The following MRPL35 variants were observed in gnomAD, a reference collection of about 807,000 sequenced individuals.
MRPL35 encodes mitochondrial ribosomal protein L35.
A neutral mutation model predicts 21.6 loss-of-function variants in MRPL35; 18 were observed. The ratio of observed to expected loss-of-function variants is 0.83; its 90% confidence interval spans 0.58 to 1.24. The LOEUF is 1.24. MRPL35 is among the 50% of genes most tolerant of loss of function. MRPL35 has a pLI of 0.00. For synonymous variants in MRPL35, 87 were observed against 86.9 expected (o/e 1.00, Z -0.01); for missense variants, 223 against 223.2 (o/e 1.00, Z 0.01).
At position 86,204,399 on chromosome 2, in the gene MRPL35, C is replaced by T. The variant is rs527951070; in HGVS notation, c.44-1707C>T. On this transcript the variant is annotated intron_variant, in intron 1 of 3. Coordinates refer to ENST00000337109, the MANE Select transcript of MRPL35 (RefSeq NM_016622.4). ...AATTTAGCAAGCTGTACAACCATTA[C>T]CACATTCCAGCTTTAGGACTTTTTT... Among the ~76,000 whole-genome samples, 7 of 150,574 alleles carry T rather than the reference C, an allele frequency of 4.6e-5. No individual in the cohort carries two copies. In the South Asian group the frequency reaches 8.4e-4, roughly 18 times the overall value.
chr2:86,206,243 A>G lies in MRPL35; in HGVS notation c.181A>G (p.Thr61Ala). 6.2e-7 allele frequency: 1 copy of G among 1,613,648 alleles called. No homozygotes were observed. Among genetic ancestry groups the G allele is most frequent in the South Asian group, 1.1e-5 (1 of 91,066 alleles). The change falls in exon 2 of 4, where the codon ACC becomes GCC. Residue 61 changes from threonine (T) to alanine (A), a missense_variant. Thr to Ala is a moderately conservative substitution (Grantham distance 58). Coordinates refer to ENST00000337109, the MANE Select transcript of MRPL35 (RefSeq NM_016622.4). ...AGTTGTTTCCTCCACTCCCAGACTT[A>G]CCACATCTGAGAGAAACCTGACATG... The part of the protein sequence containing the change: ...TPVVSSTPRL[T>A]TSERNLTCGH...
chr2:86,211,973 G>T lies in MRPL35; in HGVS notation c.*1305G>T, dbSNP rs1673909361. ...GCATTGTTTACTTGAAGTGGGCAGG[G>T]AAGCAGCACTGAGTAAAGTTCAATT... On this transcript the variant is annotated 3_prime_UTR_variant, in exon 4 of 4. Coordinates refer to ENST00000337109, the MANE Select transcript of MRPL35 (RefSeq NM_016622.4). 2.1e-5 allele frequency: 21 copies of T among 987,284 alleles called. No homozygotes were observed. Among genetic ancestry groups the T allele is most frequent in the Non-Finnish European group, 2.5e-5 (21 of 831,398 alleles). 61.2% of individuals were successfully genotyped at this position (987,284 alleles called of 1,614,324 possible).
rs1226767860 is a variant in MRPL35 at position 86,212,511 on chromosome 2, T to C, written c.*1843T>C. The C allele has an allele frequency of 6.2e-7, 1 of 1,605,120 alleles. No homozygotes were observed. The highest frequency in any genetic ancestry group is 8.5e-7 in the Non-Finnish European group (1 of 1,176,512). ...TCTGATGTACCTCTGGGTAGTGAGATGGAAATGGTGCCTGCAGAAGTTGGG... is the reference window on the plus strand; with the variant it reads ...TCTGATGTACCTCTGGGTAGTGAGACGGAAATGGTGCCTGCAGAAGTTGGG... On this transcript the variant is annotated 3_prime_UTR_variant, in exon 4 of 4. Coordinates refer to ENST00000337109, the MANE Select transcript of MRPL35 (RefSeq NM_016622.4).
intron 2 of MRPL35, 45 bp downstream of exon 2, chr2:86,206,340 T>C: frequency 6.5e-7 from 1 of 1,536,094 alleles, no homozygotes; most frequent in Non-Finnish European, 8.8e-7. Context: ...TTTTGTTTTT[T>C]GTTTTTTTTT....
At chr2:86,206,779 C>T (rs1673805119) in intron 2 of MRPL35, among the ~76,000 whole-genome samples, 1 of 152,128 alleles carries the variant, frequency 6.6e-6, no homozygotes, top group South Asian at 2.1e-4. Context: ...AGACGCTCAG[C>T]TTATAAGGAT....
intron 1 of MRPL35, among the ~76,000 whole-genome samples, chr2:86,205,068 G>A (rs12714173): frequency 0.41 from 61,987 of 151,632 alleles, 13,791 homozygotes; most frequent in Non-Finnish European, 0.51. Flanking sequence ...GCAAAATTCT[G>A]TCTCTACAAA....
Position 86,213,313 on chromosome 2 carries a change from T to C in MRPL35, c.*2645T>C, listed in dbSNP as rs3087642. 429,102 of 1,168,450 alleles carry C rather than the reference T, an allele frequency of 0.37. 82,650 individuals are homozygous for C. Among genetic ancestry groups the C allele is most frequent in the East Asian group, 0.56 (13,331 of 23,678 alleles). The allele number at this position is 1,168,450 out of a possible 1,614,324, so 72.4% of individuals were successfully genotyped here. ...TTAACCTAGTTAATCCTAGTTCTGT[T>C]GACATTGGACCAGGCTCAGTAAATA... On this transcript the variant is annotated 3_prime_UTR_variant, in exon 4 of 4. Transcript: ENST00000337109.
chr2:86,206,727 C>T (rs751606705), intron 2 of MRPL35, among the ~76,000 whole-genome samples: 6 of 152,176 alleles, frequency 3.9e-5, no homozygotes, highest in Non-Finnish European at 8.8e-5. Context: ...TGTATGTGTG[C>T]TTTCCTGCAT....
At chr2:86,210,417 G>A in intron 3 of MRPL35, 63 bp from the exon 4 acceptor site, 2 of 1,362,362 alleles carry the variant, frequency 1.5e-6, no homozygotes, top group East Asian at 2.6e-5. Flanking sequence ...ACCTTGAGTT[G>A]TGAAGATACC....
At chr2:86,199,571 A>C (rs747504055) in intron 1 of MRPL35, 38 bp downstream of exon 1, 1 of 1,612,730 alleles carries the variant, frequency 6.2e-7, no homozygotes, top group East Asian at 2.2e-5. Context: ...ATGCCTTCAC[A>C]GAAGGGGAAA....
chr2:86,207,412 G>C (rs1417414358), intron 3 of MRPL35, 85 bp downstream of exon 3: 1 of 1,454,282 alleles, frequency 6.9e-7, no homozygotes, highest in Non-Finnish European at 9.2e-7. Flanking sequence ...GCACTTTGGC[G>C]GGTGGATCAT....
chr2:86,210,457 C>T (rs1454269407), intron 3 of MRPL35, 23 bp from the exon 4 acceptor site: 1 of 1,582,474 alleles, frequency 6.3e-7, no homozygotes, highest in Admixed American at 1.8e-5. Context: ...TGATGTTTTA[C>T]ATTTCTTTGT....
rs995620746 is a variant in MRPL35 at position 86,211,513 on chromosome 2, T to G, written c.*845T>G. The G allele has an allele frequency of 4.4e-5, 43 of 985,350 alleles. No homozygotes were observed. The highest frequency in any genetic ancestry group is 5.2e-4 in the Middle Eastern group (1 of 1,936). The allele number at this position is 985,350 out of a possible 1,614,324, so 61.0% of individuals were successfully genotyped here. A position where few individuals can be genotyped will look rare whatever the true frequency, so the allele number is the denominator to read the frequency against. On this transcript the variant is annotated 3_prime_UTR_variant, in exon 4 of 4. Coordinates refer to ENST00000337109, the MANE Select transcript of MRPL35 (RefSeq NM_016622.4). ...ATGGGGTGGCAGCACACTTAACATC[T>G]AACACACCAGGTTCATTGTGTTCAT...
At chr2:86,203,105 A>G (rs1341978512) in intron 1 of MRPL35, among the ~76,000 whole-genome samples, 5 of 131,582 alleles carry the variant, frequency 3.8e-5, no homozygotes, top group Admixed American at 1.6e-4. Flanking sequence ...TTTGAGACGG[A>G]GTCCCGCTCT....
rs1309835226 is a variant in MRPL35, at chr2:86,212,406, C to A, written c.*1738C>A. ...ATGGCATTCTGTTTTGATGGATTTTCATTTCTTCGCACTTCTGAGACGGCA... is the reference window on the plus strand; with the variant it reads ...ATGGCATTCTGTTTTGATGGATTTTAATTTCTTCGCACTTCTGAGACGGCA... On this transcript the variant is annotated 3_prime_UTR_variant, in exon 4 of 4. Coordinates refer to ENST00000337109, the MANE Select transcript of MRPL35 (RefSeq NM_016622.4). 5 of 1,613,700 alleles carry A rather than the reference C, an allele frequency of 3.1e-6. No homozygotes were observed. In the African/African-American group the frequency reaches 6.7e-5, roughly 22 times the overall value.
intron 1 of MRPL35, among the ~76,000 whole-genome samples, chr2:86,203,953 C>T (rs1266036921): frequency 6.6e-6 from 1 of 151,840 alleles, no homozygotes; most frequent in Non-Finnish European, 1.5e-5. Context: ...AGTTCTAAGT[C>T]CCAGCCAAGC....
Position 86,213,720 on chromosome 2 carries a change from A to T in MRPL35, c.*3052A>T. On this transcript the variant is annotated 3_prime_UTR_variant, in exon 4 of 4. Transcript: ENST00000337109. ...ACAATTGAAACTCTACCAGTGGACT[A>T]TTCTATTTTCACAGCTACCTAGTTT... 1 of 1,518,186 alleles carries T rather than the reference A, an allele frequency of 6.6e-7. No individual in the cohort carries two copies. The highest frequency in any genetic ancestry group is 2.5e-5 in the East Asian group (1 of 40,708). The allele number at this position is 1,518,186 out of a possible 1,614,324, so 94.0% of individuals were successfully genotyped here. A position where few individuals can be genotyped will look rare whatever the true frequency, so the allele number is the denominator to read the frequency against.
chr2:86,207,395 A>G, intron 3 of MRPL35, 68 bp downstream of exon 3: 1 of 1,532,246 alleles, frequency 6.5e-7, no homozygotes, highest in Non-Finnish European at 8.8e-7. Flanking sequence ...TCACGCCTAT[A>G]ATCCCAGCAC....
intron 1 of MRPL35, among the ~76,000 whole-genome samples, chr2:86,202,535 A>G (rs1430028719): frequency 6.6e-6 from 1 of 152,194 alleles, no homozygotes; most frequent in Non-Finnish European, 1.5e-5. Context: ...CAGTCCTCCA[A>G]TGCACTTAAT....
Sources: gnomAD v4.1 joint callset for allele counts (sites outside exome capture counted in the v4.1 genomes callset) on GRCh38, gnomAD v4.1.1 for gene constraint, MANE v1.5 for transcripts, NCBI Gene and HGNC (gene_info 2026-07-23, HGNC 2026-07-21) for gene names.